The following RASGRP1 variants were observed in gnomAD, a reference collection of about 807,000 sequenced individuals.
RASGRP1 encodes RAS guanyl-releasing protein 1.
In RASGRP1, 37 loss-of-function variants were observed where a neutral mutation model predicts 95.1. That is an observed-to-expected ratio of 0.39 (90% CI 0.30 to 0.51). The LOEUF (loss-of-function observed/expected upper bound fraction) is 0.51, where lower values mean the gene tolerates loss of function less well. Among genes scored for constraint, RASGRP1 ranks in the 20% least tolerant of loss-of-function variants. The pLI is 0.80. For synonymous variants in RASGRP1, 325 were observed against 353.4 expected (o/e 0.92, Z 0.90); for missense variants, 711 against 965.4 (o/e 0.74, Z 3.49).
chr15:38,532,417 C>G (rs375385034), intron 2 of RASGRP1, among the ~76,000 whole-genome samples: 2 of 152,278 alleles, frequency 1.3e-5, no homozygotes, highest in East Asian at 3.9e-4. Context: ...AAGACTCACT[C>G]AACCTGCAGA....
At chr15:38,527,487 T>C (rs542200600) in intron 2 of RASGRP1, among the ~76,000 whole-genome samples, 1 of 152,256 alleles carries the variant, frequency 6.6e-6, no homozygotes, top group East Asian at 1.9e-4. Flanking sequence ...GACTCCTGAG[T>C]GTTGATAGTT....
intron 16 of RASGRP1, among the ~76,000 whole-genome samples, chr15:38,491,163 G>A (rs771879785): frequency 6.6e-6 from 1 of 152,168 alleles, no homozygotes; most frequent in Non-Finnish European, 1.5e-5. Context: ...CCTAAGTTGA[G>A]ATTTAGTGGT....
rs778072138 is a variant in RASGRP1 at position 38,502,357 on chromosome 15, A to G, written c.1493T>C (p.Ile498Thr). 2.1e-5 allele frequency: 33 copies of G among 1,606,002 alleles called. No homozygotes were observed. The highest frequency in any genetic ancestry group is 2.6e-5 in the Non-Finnish European group (30 of 1,172,860). The stretch of plus-strand genomic sequence containing the variant: ...GAAGGAAAATGGAAAACTCGCAGCA[A>G]TCTTTTCAAATTCTTCCTGAGAAAT... ...GYISQEEFEK[I>T]AASFPFSFCV... The change falls in exon 12 of 17, where the codon ATT becomes ACT. Residue 498 changes from isoleucine (I) to threonine (T), a missense_variant. Physicochemically the swap from Ile to Thr is moderately conservative, Grantham distance 89. Transcript: ENST00000310803.
intron 2 of RASGRP1, among the ~76,000 whole-genome samples, chr15:38,550,655 T>A (rs1449334682): frequency 6.6e-6 from 1 of 152,200 alleles, no homozygotes; most frequent in Non-Finnish European, 1.5e-5. Flanking sequence ...TAAATAATAA[T>A]ATTGATTTCA....
intron 2 of RASGRP1, among the ~76,000 whole-genome samples, chr15:38,548,209 G>C (rs1373794072): frequency 1.3e-5 from 2 of 152,094 alleles, no homozygotes; most frequent in Non-Finnish European, 2.9e-5. Context: ...AAATCCGTTT[G>C]AATTTTTGTA....
Position 38,526,319 on chromosome 15 carries a change from C to G in RASGRP1, c.306G>C (p.Leu102=). The G allele has an allele frequency of 6.2e-7, 1 of 1,613,010 alleles. No individual in the cohort carries two copies. The highest frequency in any genetic ancestry group is 8.5e-7 in the Non-Finnish European group (1 of 1,179,228). Residue 102 remains leucine, a synonymous_variant, in exon 3 of 17, where the codon CTG becomes CTC. Transcript: ENST00000310803. ...MHRIVISSAE[L]LQKVITLYKD... Reference sequence around the variant, plus strand: ...GATATAGGGTGATAACTTTTTGGAGCAGTTCTGCAGAGGAGATGACAATTC... The same window carrying G: ...GATATAGGGTGATAACTTTTTGGAGGAGTTCTGCAGAGGAGATGACAATTC...
At chr15:38,517,458 T>G (rs1270184946) in intron 5 of RASGRP1, among the ~76,000 whole-genome samples, 1 of 152,170 alleles carries the variant, frequency 6.6e-6, no homozygotes, top group Non-Finnish European at 1.5e-5. Context: ...CAGACTTATT[T>G]GGGGCTCTGG....
intron 8 of RASGRP1, among the ~76,000 whole-genome samples, chr15:38,509,162 A>AT (rs1891392972): frequency 6.6e-6 from 1 of 152,052 alleles, no homozygotes; most frequent in African/African-American, 2.4e-5. Flanking sequence ...TCAGCATATG[A>AT]TTTTTTTCCT....
intron 9 of RASGRP1, among the ~76,000 whole-genome samples, chr15:38,507,177 G>A (rs980277615): frequency 1.3e-5 from 2 of 152,142 alleles, no homozygotes; most frequent in African/African-American, 4.8e-5. Flanking sequence ...CGGAATTGCA[G>A]GTCTGGAAGG....
In RASGRP1 at chr15:38,531,025, G is replaced by A. The variant is rs188074980; in HGVS notation, c.221-4621C>T. Among the ~76,000 whole-genome samples the A allele has an allele frequency of 5.9e-5, 9 of 152,260 alleles. No homozygotes were observed. The South Asian group carries it at 1.7e-3, about 28-fold the overall frequency. ...ATGATGGAAGCATTGCCATCACAGA[G>A]ATATTAAAAAAGAGCCTGAAGAGCA... On this transcript the variant is annotated intron_variant, in intron 2 of 16. Coordinates refer to ENST00000310803, the MANE Select transcript of RASGRP1 (RefSeq NM_005739.4).
intron 13 of RASGRP1, 106 bp from the exon 14 acceptor site, chr15:38,500,245 GGGAA>G (rs1890959582): frequency 1.7e-6 from 2 of 1,154,044 alleles, no homozygotes; most frequent in Middle Eastern, 2.0e-4. Context: ...TAGCTCAAGT[GGGAA>G]GGAAACCTCA....
chr15:38,518,437 G>A lies in RASGRP1; in HGVS notation c.390-14C>T. ...GTTATCCAATACCTACAAGGAGGGG[G>A]TTAAAAAACACAATCCAAAACTGAT... is the stretch of plus-strand genomic sequence containing the variant. On this transcript the variant is annotated splice_polypyrimidine_tract_variant and intron_variant, in intron 4 of 16. Transcript: ENST00000310803. 3 of 1,593,788 alleles carry A rather than the reference G, an allele frequency of 1.9e-6. No individual in the cohort carries two copies. The highest frequency in any genetic ancestry group is 2.6e-6 in the Non-Finnish European group (3 of 1,169,490).
At chr15:38,549,929 C>G (rs1012814167) in intron 2 of RASGRP1, among the ~76,000 whole-genome samples, 13 of 152,054 alleles carry the variant, frequency 8.5e-5, no homozygotes, top group African/African-American at 2.9e-4. Flanking sequence ...GCTTCTGCTA[C>G]GTATCTCACC....
At chr15:38,515,617 C>T (rs764120859) in intron 6 of RASGRP1, among the ~76,000 whole-genome samples, 2 of 152,106 alleles carry the variant, frequency 1.3e-5, no homozygotes, top group African/African-American at 2.4e-5. Context: ...CACAGCTTAT[C>T]TCTAGAATCA....
intron 2 of RASGRP1, among the ~76,000 whole-genome samples, chr15:38,553,477 C>T (rs1893419090): frequency 1.3e-5 from 2 of 152,162 alleles, no homozygotes; most frequent in South Asian, 2.1e-4. Context: ...TGGGTAAGTA[C>T]TCAGGAGAAG....
At chr15:38,507,144 A>G (rs988821765) in intron 9 of RASGRP1, among the ~76,000 whole-genome samples, 1 of 152,228 alleles carries the variant, frequency 6.6e-6, no homozygotes, top group Non-Finnish European at 1.5e-5. Context: ...TTATATGTCC[A>G]TAGTCACACA....
At chr15:38,494,793 G>T (rs968091646) in intron 15 of RASGRP1, 26 bp from the exon 16 acceptor site, 1 of 1,425,708 alleles carries the variant, frequency 7.0e-7, no homozygotes, top group Admixed American at 2.6e-5. Context: ...GGACATGCTA[G>T]TACTCTAGCT....
At chr15:38,503,447 C>G in intron 10 of RASGRP1, 71 bp from the exon 11 acceptor site, 1 of 1,157,002 alleles carries the variant, frequency 8.6e-7, no homozygotes, top group Non-Finnish European at 1.3e-6. Flanking sequence ...CTTTCTTTTC[C>G]CACTACCTGA....
intron 2 of RASGRP1, among the ~76,000 whole-genome samples, chr15:38,527,666 T>TTTAAGG (rs56270602): frequency 6.6e-6 from 1 of 151,820 alleles, no homozygotes; most frequent in Non-Finnish European, 1.5e-5. Context: ...TGTATTGCTC[T>TTTAAGG]TTATATTAAA....
Sources: gnomAD v4.1 joint callset for allele counts (sites outside exome capture counted in the v4.1 genomes callset) on GRCh38, gnomAD v4.1.1 for gene constraint, MANE v1.5 for transcripts, NCBI Gene and HGNC (gene_info 2026-07-23, HGNC 2026-07-21) for gene names.